TTN: variants seen among roughly 807,000 people sequenced by gnomAD.
TTN encodes connectin.
In TTN, 1,525 loss-of-function variants were observed where a neutral mutation model predicts 3,223.0. That is an observed-to-expected ratio of 0.47 (90% CI 0.45 to 0.49). TTN has a LOEUF of 0.49. Ranked by LOEUF, TTN falls within the 20% of genes least tolerant of loss-of-function variation. TTN has a pLI of 0.00. For synonymous variants in TTN, 14,094 were observed against 15,161.0 expected (o/e 0.93, Z 5.17); for missense variants, 40,786 against 43,424.0 (o/e 0.94, Z 5.40).
Position 178,603,988 on chromosome 2 carries a change from A to G in TTN, c.54699T>C (p.Val18233=). Residue 18233 remains valine, a synonymous_variant, in exon 282 of 363, where the codon GTT becomes GTC. Coordinates refer to ENST00000589042, the MANE Select transcript of TTN (RefSeq NM_001267550.2). Reference sequence around the variant, plus strand: ...ATTTAACGCCTTCAAGCAAACGAGGAACATTAAATTCCACGCCTTTCAATC... The same window carrying G: ...ATTTAACGCCTTCAAGCAAACGAGGGACATTAAATTCCACGCCTTTCAATC... ...KVGLKGVEFN[V]PRLLEGVKYQ... 6.2e-7 allele frequency: 1 copy of G among 1,612,748 alleles called. No homozygotes were observed. The highest frequency in any genetic ancestry group is 1.7e-4 in the Middle Eastern group (1 of 6,048).
chr2:178,609,970 A>G lies in TTN; in HGVS notation c.51453T>C (p.Pro17151=). Reference sequence around the variant, plus strand: ...TAGGATTATGAACCTCTACATCTACAGGTGGATCAGGGGGTTCTGAAGAAC... The same window carrying G: ...TAGGATTATGAACCTCTACATCTACGGGTGGATCAGGGGGTTCTGAAGAAC... ...AQDPKQPPDP[P]VDVEVHNPTA... Residue 17151 remains proline, a synonymous_variant, in exon 272 of 363, where the codon CCT becomes CCC. Transcript: ENST00000589042. 6.2e-7 allele frequency: 1 copy of G among 1,611,858 alleles called. No homozygotes were observed. The highest frequency in any genetic ancestry group is 8.5e-7 in the Non-Finnish European group (1 of 1,178,890).
chr2:178,755,488 T>G (rs2154334317), intron 46 of TTN, among the ~76,000 whole-genome samples: 1 of 152,272 alleles, frequency 6.6e-6, no homozygotes, highest in East Asian at 1.9e-4. Flanking sequence ...CAGGCTGGAG[T>G]ACAGTGACCC....
Position 178,740,031 on chromosome 2 carries a change from CG to C in TTN, c.13201del (p.Arg4401GlyfsTer19), listed in dbSNP as rs1174490072. The C allele has an allele frequency of 6.2e-7, 1 of 1,613,666 alleles. No individual in the cohort carries two copies. Among genetic ancestry groups the C allele is most frequent in the Admixed American group, 1.7e-5 (1 of 59,982 alleles). ...GCTGGCCACGGCTGCTTGCAAAGCCCGGCAGATTTGAATTTTCAGGTTTAAT... is the reference window on the plus strand; with the variant it reads ...GCTGGCCACGGCTGCTTGCAAAGCCCGCAGATTTGAATTTTCAGGTTTAAT... ...QRLNLKIQICRALQAAVASEQ... is the reference protein window; with the variant it reads ...QRLNLKIQICXALQAAVASEQ... On this transcript the variant is annotated frameshift_variant, in exon 48 of 363. Transcript: ENST00000589042. LOFTEE classifies it high-confidence loss of function.
chr2:178,732,634 G>T lies in TTN; in HGVS notation c.16427C>A (p.Ser5476Tyr). 6.2e-7 allele frequency: 1 copy of T among 1,613,338 alleles called. No individual in the cohort carries two copies. The change falls in exon 56 of 363, where the codon TCT (serine) becomes TAT (tyrosine). Residue 5476 changes from serine to tyrosine, a missense_variant. Transcript: ENST00000589042. The part of the protein sequence containing the change: ...AVCLKSTFQG[S>Y]TPLTIRWFKG... ...AAACCATCTGATTGTGAGAGGAGTA[G>T]ATCCTTGGAAAGTGCTCTTCAGGCA...
At chr2:178,742,032 A>G in intron 47 of TTN, 111 bp from the exon 48 acceptor site, 1 of 840,080 alleles carries the variant, frequency 1.2e-6, no homozygotes, top group Non-Finnish European at 1.6e-6. Flanking sequence ...TATTCCTGGA[A>G]TGATTAGATT....
At chr2:178,772,788 A>T (rs2091715779) in intron 33 of TTN, among the ~76,000 whole-genome samples, 2 of 152,188 alleles carry the variant, frequency 1.3e-5, no homozygotes, top group Admixed American at 1.3e-4. Flanking sequence ...GAAAGAGGAA[A>T]TGGGGAATAA....
At position 178,795,006 on chromosome 2, in the gene TTN, G is replaced by A. The variant is rs753484667; in HGVS notation, c.1161C>T (p.Thr387=). 2.2e-5 allele frequency: 35 copies of A among 1,610,654 alleles called. No individual in the cohort carries two copies. Among genetic ancestry groups the A allele is most frequent in the Non-Finnish European group, 3.0e-5 (35 of 1,179,988 alleles). Residue 387 remains threonine, a synonymous_variant, in exon 7 of 363, where the codon ACC becomes ACT. Transcript: ENST00000589042. ...EGRYGVQEQV[T]ISGAAGAAAS... ...CGGCAGCACCCGCAGCACCACTGAT[G>A]GTCACTTGCTCCTGGACACCGTATC...
At position 178,536,392 on chromosome 2, in the gene TTN, A is replaced by G. The variant is rs1450640139; in HGVS notation, c.100355T>C (p.Phe33452Ser). ...ACCTTCAATAAGGTTTTTCACTGAAAAGACAGTTTCTCGAATTTCTTCTGT... is the reference window on the plus strand; with the variant it reads ...ACCTTCAATAAGGTTTTTCACTGAAGAGACAGTTTCTCGAATTTCTTCTGT... ...VTTEEIRETVFSVKNLIEGLE... is the reference protein window; with the variant it reads ...VTTEEIRETVSSVKNLIEGLE... The change falls in exon 357 of 363, where the codon TTT becomes TCT. Residue 33452 changes from phenylalanine to serine, a missense_variant. Physicochemically the swap from Phe to Ser is radical, Grantham distance 155. Transcript: ENST00000589042. 1 of 1,613,632 alleles carries G rather than the reference A, an allele frequency of 6.2e-7. No homozygotes were observed. Among genetic ancestry groups the G allele is most frequent in the Non-Finnish European group, 8.5e-7 (1 of 1,179,766 alleles).
chr2:178,622,702 A>G lies in TTN; in HGVS notation c.44881T>C (p.Phe14961Leu). The change falls in exon 243 of 363, where the codon TTT becomes CTT. Residue 14961 changes from phenylalanine to leucine, a missense_variant. Physicochemically the swap from Phe to Leu is conservative, Grantham distance 22. Transcript: ENST00000589042. ...TTTTCTCGGGAAAGTTCACACTCAAATCGAGCCATTTCTTTTTCTCTAACT... is the reference window on the plus strand; with the variant it reads ...TTTTCTCGGGAAAGTTCACACTCAAGTCGAGCCATTTCTTTTTCTCTAACT... ...LQVREKEMAR[F>L]ECELSRENAK... 2 of 1,607,660 alleles carry G rather than the reference A, an allele frequency of 1.2e-6. No homozygotes were observed.
Position 178,645,965 on chromosome 2 carries a change from C to T in TTN, c.40363G>A (p.Ala13455Thr). ...TCCTTCACATCTTCCTTAGGTGGAG[C>T]AGGTGGAGGAGGTGGGGGTCTTGGT... ...LKPRPPPPPP[A>T]PPKEDVKEKI... The change falls in exon 217 of 363, where the codon GCT (alanine) becomes ACT (threonine). Residue 13455 changes from alanine (A) to threonine (T), a missense_variant. Ala to Thr is a moderately conservative substitution (Grantham distance 58, BLOSUM62 0). Transcript: ENST00000589042. 6.3e-7 allele frequency: 1 copy of T among 1,586,978 alleles called. No homozygotes were observed. Among genetic ancestry groups the T allele is most frequent in the East Asian group, 2.3e-5 (1 of 43,226 alleles).
intron 343 of TTN, 51 bp downstream of exon 343, chr2:178,545,768 CT>C (rs1696797508): frequency 1.9e-6 from 3 of 1,599,260 alleles, no homozygotes; most frequent in South Asian, 2.2e-5. Context: ...CCTTCTCCCC[CT>C]GATTCTATTA....
chr2:178,597,611 A>T lies in TTN; in HGVS notation c.57471T>A (p.His19157Gln). 6.2e-7 allele frequency: 1 copy of T among 1,613,192 alleles called. No individual in the cohort carries two copies. Among genetic ancestry groups the T allele is most frequent in the Non-Finnish European group, 8.5e-7 (1 of 1,179,514 alleles). The change falls in exon 294 of 363, where the codon CAT (histidine) becomes CAA (glutamine). Residue 19157 changes from histidine (H) to glutamine (Q), a missense_variant. By Grantham distance (24) the His-to-Gln change is conservative. Coordinates refer to ENST00000589042, the MANE Select transcript of TTN (RefSeq NM_001267550.2). ...TGGCAAGAAGAGAATAGACGCCTTG[A>T]TGGCTCCTCTGGCAGTTCTTGATGA... is the stretch of plus-strand genomic sequence containing the variant. ...SMVIKNCQRS[H>Q]QGVYSLLAKN...
rs1278554973 is a variant in TTN at position 178,718,056 on chromosome 2, T to A, written c.24950A>T (p.Asn8317Ile). Reference sequence around the variant, plus strand: ...TTTGTTGATTACTAAGGAAGCAACGTTATTTTTGAATTGCATTTTATATGC... The same window carrying A: ...TTTGTTGATTACTAAGGAAGCAACGATATTTTTGAATTGCATTTTATATGC... ...APAYKMQFKN[N>I]VASLVINKVD... The change falls in exon 86 of 363, where the codon AAC becomes ATC. Residue 8317 changes from asparagine (N) to isoleucine (I), a missense_variant. Coordinates refer to ENST00000589042, the MANE Select transcript of TTN (RefSeq NM_001267550.2). The A allele has an allele frequency of 3.7e-6, 6 of 1,613,758 alleles. No individual in the cohort carries two copies. The highest frequency in any genetic ancestry group is 1.3e-5 in the African/African-American group (1 of 75,028).
At chr2:178,641,359 T>A in intron 219 of TTN, 44 bp from the exon 220 acceptor site, 1 of 1,115,386 alleles carries the variant, frequency 9.0e-7, no homozygotes, top group Non-Finnish European at 1.3e-6. Flanking sequence ...GACAAACTAA[T>A]GAAGATGTTG....
At chr2:178,706,832 G>T (rs1428042759) in intron 101 of TTN, 30 bp downstream of exon 101, 12 of 1,609,448 alleles carry the variant, frequency 7.5e-6, no homozygotes, top group Non-Finnish European at 1.0e-5. Context: ...TAAGATAGAT[G>T]AAGATGTACT....
rs866683190 is a variant in TTN at position 178,601,775 on chromosome 2, C to T, written c.55315G>A (p.Glu18439Lys). ...IPEDAQLETA[E>K]NSSVIIIPEC... ...GGAATAATAATTACTGAGGAGTTTT[C>T]AGCAGTCTCCAGCTGTACAAAGAAA... The change falls in exon 286 of 363, where the codon GAA (glutamate) becomes AAA (lysine). Residue 18439 changes from glutamate to lysine, a missense_variant. Transcript: ENST00000589042. 3.7e-6 allele frequency: 6 copies of T among 1,600,890 alleles called. No individual in the cohort carries two copies. The Middle Eastern group carries it at 1.0e-3, about 268-fold the overall frequency.
intron 43 of TTN, among the ~76,000 whole-genome samples, chr2:178,760,246 T>C (rs1426058122): frequency 6.6e-6 from 1 of 152,152 alleles, no homozygotes; most frequent in Non-Finnish European, 1.5e-5. Flanking sequence ...GAAGATGAAA[T>C]CCTGGCCAGG....
Position 178,739,194 on chromosome 2 carries a change from A to G in TTN, c.14039T>C (p.Leu4680Ser). The G allele has an allele frequency of 6.5e-7, 1 of 1,527,172 alleles. No individual in the cohort carries two copies. The highest frequency in any genetic ancestry group is 1.4e-5 in the African/African-American group (1 of 72,324). 94.6% of individuals were successfully genotyped at this position (1,527,172 alleles called of 1,614,324 possible). A position where few individuals can be genotyped will look rare whatever the true frequency, so the allele number is the denominator to read the frequency against. ...AGTTGCTGTTTTTCCGCTGTCATTC[A>G]AGGCCTCACAGACATACTCTCCTTG... is the stretch of plus-strand genomic sequence containing the variant. ...DHQGEYVCEA[L>S]NDSGKTATSA... The change falls in exon 48 of 363, where the codon TTG (leucine) becomes TCG (serine). Residue 4680 changes from leucine (L) to serine (S), a missense_variant. Transcript: ENST00000589042.
intron 43 of TTN, among the ~76,000 whole-genome samples, chr2:178,761,385 T>C (rs1014290401): frequency 6.6e-5 from 10 of 152,198 alleles, no homozygotes; most frequent in African/African-American, 2.2e-4. Flanking sequence ...ATCTTCAGCA[T>C]AGAATACCAA....
Sources: allele counts gnomAD v4.1 joint callset (sites outside exome capture counted in the v4.1 genomes callset), GRCh38; gene constraint gnomAD v4.1.1; transcripts MANE v1.5; gene names NCBI Gene and HGNC (gene_info 2026-07-23, HGNC 2026-07-21).